TMEM74: variants seen among roughly 807,000 people sequenced by gnomAD.
The protein encoded by TMEM74 is transmembrane protein 74.
In TMEM74, 13 loss-of-function variants were observed where a neutral mutation model predicts 18.1. That is an observed-to-expected ratio of 0.72 (90% confidence interval 0.47 to 1.14). The LOEUF (loss-of-function observed/expected upper bound fraction) is 1.14. TMEM74 is among the 50% of genes most tolerant of loss of function. The probability of loss-of-function intolerance (pLI) is 0.00; values close to 1 mark genes in which losing one functional copy is unlikely to be tolerated. For missense variants in TMEM74, 372 were observed against 375.9 expected, an observed-to-expected ratio of 0.99 and a Z score of 0.09; for synonymous variants, 159 against 146.6, an observed-to-expected ratio of 1.08 and a Z score of -0.61.
intron 1 of TMEM74, among the ~76,000 whole-genome samples, chr8:108,756,582 A>AAG (rs1396292435): frequency 3.4e-5 from 4 of 119,278 alleles, no homozygotes; most frequent in African/African-American, 1.1e-4. Flanking sequence ...GAAAGAAAGA[A>AAG]AGAAAGAAAG....
intron 1 of TMEM74, among the ~76,000 whole-genome samples, chr8:108,757,779 C>T (rs923101682): frequency 6.6e-6 from 1 of 151,946 alleles, no homozygotes; most frequent in African/African-American, 2.4e-5. Flanking sequence ...AAGTCTTCTT[C>T]ACCTCCCTGC....
intron 1 of TMEM74, among the ~76,000 whole-genome samples, chr8:108,714,770 C>T (rs1419519129): frequency 6.6e-6 from 1 of 152,184 alleles, no homozygotes; most frequent in Non-Finnish European, 1.5e-5. Flanking sequence ...CACATGGACT[C>T]AACCCAGGTG....
intron 1 of TMEM74, among the ~76,000 whole-genome samples, chr8:108,686,300 G>A (rs368889553): frequency 1.3e-5 from 2 of 152,158 alleles, no homozygotes; most frequent in South Asian, 2.1e-4. Flanking sequence ...CTGGGTTCAC[G>A]CCATTCTCCT....
chr8:108,620,316 G>A (rs10090705), intron 2 of TMEM74, among the ~76,000 whole-genome samples: 14,730 of 152,126 alleles, frequency 0.097, 1,276 homozygotes, highest in East Asian at 0.43. Flanking sequence ...TTTCCAGGAG[G>A]TTAATACAAC....
At chr8:108,755,248 T>G (rs1813948174) in intron 1 of TMEM74, among the ~76,000 whole-genome samples, 2 of 152,084 alleles carry the variant, frequency 1.3e-5, no homozygotes. Flanking sequence ...AGCAGATTCC[T>G]CCAGTCAGTA....
At chr8:108,700,938 C>T (rs1813329492) in intron 1 of TMEM74, among the ~76,000 whole-genome samples, 1 of 151,976 alleles carries the variant, frequency 6.6e-6, no homozygotes, top group South Asian at 2.1e-4. Context: ...TTATTATTCT[C>T]ATTTTGGAGA....
At chr8:108,751,631 C>T (rs1813904914) in intron 1 of TMEM74, among the ~76,000 whole-genome samples, 1 of 151,926 alleles carries the variant, frequency 6.6e-6, no homozygotes. Flanking sequence ...TGCTTTATAA[C>T]AGCAACAAAA....
intron 2 of TMEM74, among the ~76,000 whole-genome samples, chr8:108,634,209 T>C (rs1207094311): frequency 2.6e-5 from 4 of 151,754 alleles, no homozygotes; most frequent in African/African-American, 9.7e-5. Flanking sequence ...ACAGAATAAC[T>C]GGAGAAGCCA....
intron 1 of TMEM74, among the ~76,000 whole-genome samples, chr8:108,687,366 A>AAC (rs1554572757): frequency 8.6e-5 from 1 of 11,680 alleles, no homozygotes; most frequent in East Asian, 0.12. Flanking sequence ...GACTGGGAGA[A>AAC]TTTGCGGCAA....
intron 1 of TMEM74, among the ~76,000 whole-genome samples, chr8:108,731,789 T>A (rs1249038789): frequency 1.3e-5 from 2 of 152,208 alleles, no homozygotes; most frequent in Non-Finnish European, 2.9e-5. Context: ...GTTTGATTAT[T>A]GTTCTGTGGA....
At chr8:108,714,099 TC>T (rs1396631464) in intron 1 of TMEM74, among the ~76,000 whole-genome samples, 1 of 152,118 alleles carries the variant, frequency 6.6e-6, no homozygotes, top group Non-Finnish European at 1.5e-5. Context: ...TCCTACCTGG[TC>T]CCCTCAGACT....
chr8:108,759,551 A>G (rs1814016803), intron 1 of TMEM74, among the ~76,000 whole-genome samples: 1 of 152,144 alleles, frequency 6.6e-6, no homozygotes, highest in African/African-American at 2.4e-5. Flanking sequence ...TGAATGGGGT[A>G]GCTCTCTAAT....
intron 2 of TMEM74, among the ~76,000 whole-genome samples, chr8:108,618,420 A>G (rs1261998081): frequency 1.3e-5 from 2 of 152,162 alleles, no homozygotes; most frequent in Non-Finnish European, 2.9e-5. Context: ...TTTTGCTACA[A>G]TCTTATTCCT....
chr8:108,664,397 A>G (rs990451590), intron 1 of TMEM74, among the ~76,000 whole-genome samples: 2 of 152,054 alleles, frequency 1.3e-5, no homozygotes, highest in African/African-American at 4.8e-5. Flanking sequence ...TATTGTGCAT[A>G]GTATTGAGTT....
In TMEM74 at chr8:108,684,855, C is replaced by T. The variant is rs1813152782; in HGVS notation, n.120-29418G>A. On this transcript the variant is annotated intron_variant and non_coding_transcript_variant, in intron 1 of 3. Coordinates refer to the TMEM74 transcript ENST00000518838. ...TACTACAGCTTTGTAGTATATTTTA[C>T]GATCTAGGTGTGGAATACCTCCAGC... is the stretch of plus-strand genomic sequence containing the variant. Among the ~76,000 whole-genome samples, 4 of 151,730 alleles carry T rather than the reference C, an allele frequency of 2.6e-5. No homozygotes were observed. In the South Asian group the frequency reaches 8.3e-4, roughly 31 times the overall value.
chr8:108,701,370 A>G (rs1277450967), intron 1 of TMEM74, among the ~76,000 whole-genome samples: 1 of 152,208 alleles, frequency 6.6e-6, no homozygotes, highest in Non-Finnish European at 1.5e-5. Flanking sequence ...CCTTTTCAAC[A>G]TCATACTGAA....
Position 108,670,628 on chromosome 8 carries a change from A to G in TMEM74, n.120-15191T>C, listed in dbSNP as rs148671993. Reference sequence around the variant, plus strand: ...ATCTTTAATAAAACTGGCTCTTCAGAAACAGATTAAGAAGCCTTGAAAATA... The same window carrying G: ...ATCTTTAATAAAACTGGCTCTTCAGGAACAGATTAAGAAGCCTTGAAAATA... On this transcript the variant is annotated intron_variant and non_coding_transcript_variant, in intron 1 of 3. Transcript: ENST00000518838. Among the ~76,000 whole-genome samples, 600 of 152,292 alleles carry G rather than the reference A, an allele frequency of 3.9e-3. 8 individuals carry two copies. Among genetic ancestry groups the G allele is most frequent in the African/African-American group, 0.014 (569 of 41,562 alleles).
chr8:108,785,102 A>G lies in TMEM74; in HGVS notation c.-4T>C. 3.8e-6 allele frequency: 6 copies of G among 1,580,858 alleles called. No homozygotes were observed. Among genetic ancestry groups the G allele is most frequent in the South Asian group, 1.2e-5 (1 of 85,404 alleles). The stretch of plus-strand genomic sequence containing the variant: ...TAGCAAGGTAGTGGAGCTCCATGAG[A>G]GCTAGTCAGACATCCCCCAGCAGCT... On this transcript the variant is annotated 5_prime_UTR_variant, in exon 2 of 2. Transcript: ENST00000297459.
exon 4 of TMEM74, chr8:108,607,763 A>T (rs1176469917): frequency 6.6e-6 from 1 of 152,194 alleles, no homozygotes; most frequent in Non-Finnish European, 1.5e-5. Flanking sequence ...AAGTTCTGCA[A>T]ATCTGTAAAA....
Sources: allele counts gnomAD v4.1 joint callset (sites outside exome capture counted in the v4.1 genomes callset), GRCh38; gene constraint gnomAD v4.1.1; transcripts MANE v1.5; gene names NCBI Gene and HGNC (gene_info 2026-07-23, HGNC 2026-07-21).